The following DOK7 variants were observed in gnomAD, a reference collection of about 807,000 sequenced individuals.
The protein encoded by DOK7 is docking protein 7, also known as protein Dok-7.
Under a neutral mutation model 30.7 loss-of-function variants are expected in DOK7, and 32 were observed. The observed-to-expected ratio is 1.04, with a 90% confidence interval of 0.79 to 1.40. DOK7 has a LOEUF of 1.40. DOK7 is among the 40% of genes most tolerant of loss of function. The probability of loss-of-function intolerance (pLI) is 0.00; values close to 1 mark genes in which losing one functional copy is unlikely to be tolerated. For missense variants in DOK7, 1,007 were observed against 699.2 expected (o/e 1.44, Z -4.97); for synonymous variants, 447 against 324.1 (o/e 1.38, Z -4.07).
downstream of DOK7, among the ~76,000 whole-genome samples, chr4:3,498,099 G>A (rs1046434402): frequency 1.3e-5 from 2 of 152,148 alleles, no homozygotes; most frequent in African/African-American, 4.8e-5. Context: ...CCAGGCCCAA[G>A]TGGTAGCGTC....
In DOK7 at chr4:3,489,685, C is replaced by T. The variant is rs377167511; in HGVS notation, c.661C>T (p.Pro221Ser). The T allele has an allele frequency of 9.6e-6, 15 of 1,565,308 alleles. No homozygotes were observed. The highest frequency in any genetic ancestry group is 1.2e-5 in the South Asian group (1 of 85,156). The change falls in exon 6 of 7, where the codon CCC (proline) becomes TCC (serine). Residue 221 changes from proline (P) to serine (S), a missense_variant. Pro to Ser is a moderately conservative substitution (Grantham distance 74). Coordinates refer to ENST00000340083, the MANE Select transcript of DOK7 (RefSeq NM_173660.5). ...TCTTCTCTCTGCCACAGACCCAAGT[C>T]CCCCGGGACCCTCGACTGTGGAGGA... ...GLRPVLPDPS[P>S]PGPSTVEERV... is the part of the protein sequence containing the mutation.
chr4:3,481,787 A>G (rs1332204708), intron 4 of DOK7, among the ~76,000 whole-genome samples: 10 of 152,216 alleles, frequency 6.6e-5, no homozygotes, highest in Non-Finnish European at 1.0e-4. Flanking sequence ...GATGGAAACC[A>G]TCTTAGATCT....
exon 8 of DOK7, chr4:3,501,048 A>G: frequency 8.8e-6 from 6 of 680,072 alleles, no homozygotes; most frequent in Non-Finnish European, 1.4e-5. Context: ...TTCGGCCTGA[A>G]AGAGTTGCTC....
At chr4:3,499,812 G>C (rs1355061967) in intron 6 of DOK7, among the ~76,000 whole-genome samples, 1 of 152,066 alleles carries the variant, frequency 6.6e-6, no homozygotes, top group Non-Finnish European at 1.5e-5. Context: ...GGAGGTGCTG[G>C]GGGCCAGGAC....
chr4:3,472,444 G>T (rs1056759422), intron 2 of DOK7, among the ~76,000 whole-genome samples: 2 of 152,214 alleles, frequency 1.3e-5, no homozygotes, highest in African/African-American at 2.4e-5. Context: ...CGCCGAAGCC[G>T]GGTATCCTGG....
intron 6 of DOK7, among the ~76,000 whole-genome samples, chr4:3,492,146 G>GGGGCC (rs1242858309): frequency 2.0e-5 from 3 of 152,338 alleles, no homozygotes; most frequent in South Asian, 4.1e-4. Flanking sequence ...GAGCACGGGA[G>GGGGCC]GGGCCTGGCC....
chr4:3,485,348 T>C (rs1309234943), intron 4 of DOK7, 191 bp from the exon 5 acceptor site: 3 of 669,456 alleles, frequency 4.5e-6, no homozygotes, highest in Non-Finnish European at 6.8e-6. Flanking sequence ...CCAGGTGGGG[T>C]GTCGGCTCTG....
At chr4:3,494,549 G>A (rs903046993), downstream of DOK7, 46 of 983,890 alleles carry the variant, frequency 4.7e-5, no homozygotes, top group East Asian at 1.6e-3. Context: ...TGGGGCCTCT[G>A]CCTGGATGCG....
chr4:3,484,426 C>A, intron 4 of DOK7: 3 of 923,448 alleles, frequency 3.2e-6, no homozygotes, highest in Non-Finnish European at 3.9e-6. Flanking sequence ...CCCACCCCGG[C>A]GCCTTCCCTC....
In DOK7 at chr4:3,493,245, C is replaced by A; in HGVS notation, c.1259C>A (p.Pro420His). The A allele has an allele frequency of 6.2e-7, 1 of 1,612,018 alleles. No homozygotes were observed. Among genetic ancestry groups the A allele is most frequent in the Non-Finnish European group, 8.5e-7 (1 of 1,179,660 alleles). ...TGCCTGGCTCCTAGAGACCACAGCC[C>A]CCCCTCACAGGGCAGCCCCGGCAAC... ...SLCLAPRDHS[P>H]PSQGSPGNSA... Residue 420 changes from proline to histidine, a missense_variant, in exon 7 of 7, where the codon CCC becomes CAC. By Grantham distance (77) the Pro-to-His change is moderately conservative (BLOSUM62 -2). Coordinates refer to ENST00000340083, the MANE Select transcript of DOK7 (RefSeq NM_173660.5).
At chr4:3,494,867 G>C (rs560207346), downstream of DOK7, among the ~76,000 whole-genome samples, 1 of 152,174 alleles carries the variant, frequency 6.6e-6, no homozygotes, top group Non-Finnish European at 1.5e-5. Context: ...ACATGGGGCC[G>C]AGTTCCAGGC....
chr4:3,490,132 CTCA>C (rs1560225841), intron 6 of DOK7, among the ~76,000 whole-genome samples: 5 of 129,174 alleles, frequency 3.9e-5, no homozygotes, highest in Admixed American at 8.3e-5. Flanking sequence ...TTTCTCCCTG[CTCA>C]TTCATTCCTT....
chr4:3,474,541 G>C (rs1229802144), intron 3 of DOK7, among the ~76,000 whole-genome samples: 2 of 152,288 alleles, frequency 1.3e-5, no homozygotes, highest in South Asian at 4.1e-4. Context: ...AAAAATGATG[G>C]CCAGGTGCAG....
chr4:3,492,370 G>A (rs371423078), intron 6 of DOK7, among the ~76,000 whole-genome samples: 18 of 151,944 alleles, frequency 1.2e-4, no homozygotes, highest in Non-Finnish European at 1.9e-4. Context: ...GTGATGGTGC[G>A]GAGGGCAAGC....
chr4:3,486,220 C>A (rs1032237799), intron 5 of DOK7, among the ~76,000 whole-genome samples: 2 of 152,236 alleles, frequency 1.3e-5, no homozygotes, highest in African/African-American at 4.8e-5. Flanking sequence ...GCACTCTCTG[C>A]AGGAGTCCTT....
rs768145073 is a variant in DOK7 at position 3,485,609 on chromosome 4, A to C, written c.603A>C (p.Arg201=). 4.4e-6 allele frequency: 7 copies of C among 1,607,448 alleles called. No individual in the cohort carries two copies. Among genetic ancestry groups the C allele is most frequent in the Non-Finnish European group, 5.9e-6 (7 of 1,176,806 alleles). The change falls in exon 5 of 7, where the codon CGA becomes CGC. Residue 201 remains arginine, a synonymous_variant. Transcript: ENST00000340083. The part of the protein sequence containing the change: ...QISFLFDCIV[R]GISPTKGPFG... ...GCTTCCTGTTCGACTGCATCGTCCG[A>C]GGCATCTCCCCCACCAAGGGCCCCT... is the stretch of plus-strand genomic sequence containing the variant.
At position 3,500,821 on chromosome 4, in the gene DOK7, AGT is replaced by A; in HGVS notation, c.1393_1394del (p.Ter465ArgfsTer70). 3 of 1,531,268 alleles carry A rather than the reference AGT, an allele frequency of 2.0e-6. No homozygotes were observed. The highest frequency in any genetic ancestry group is 1.7e-6 in the Non-Finnish European group (2 of 1,145,318). The allele number at this position is 1,531,268 out of a possible 1,614,324, so 94.9% of individuals were successfully genotyped here. A position where few individuals can be genotyped will look rare whatever the true frequency, so the allele number is the denominator to read the frequency against. On this transcript the variant is annotated frameshift_variant and stop_lost, in exon 8 of 8. Coordinates refer to the DOK7 transcript ENST00000643608. LOFTEE classifies it high-confidence loss of function. ...CTGGAGCAGAGGAAGGCAGCCCCGC[AGT>A]GAGGTCACAGCGCCAGGAGCTGACC...
chr4:3,475,235 G>A (rs1726993875), intron 3 of DOK7, among the ~76,000 whole-genome samples: 1 of 152,384 alleles, frequency 6.6e-6, no homozygotes, highest in South Asian at 2.1e-4. Context: ...CTGGCTCAGC[G>A]GCATGGGTCT....
At chr4:3,490,868 CCTT>C (rs1422174250) in intron 6 of DOK7, among the ~76,000 whole-genome samples, 6 of 107,756 alleles carry the variant, frequency 5.6e-5, no homozygotes, top group African/African-American at 2.3e-4. Context: ...TCATTTCATT[CCTT>C]CATTACCCTC....
Sources: gnomAD v4.1 joint callset for allele counts (sites outside exome capture counted in the v4.1 genomes callset) on GRCh38, gnomAD v4.1.1 for gene constraint, MANE v1.5 for transcripts, NCBI Gene and HGNC (gene_info 2026-07-23, HGNC 2026-07-21) for gene names.